Variants in CALN1 observed in about 807,000 individuals in gnomAD.
CALN1 encodes the protein calcium-binding protein 8.
A neutral mutation model predicts 30.6 loss-of-function variants in CALN1; 17 were observed. The ratio of observed to expected loss-of-function variants is 0.56; its 90% CI spans 0.38 to 0.83. The LOEUF (loss-of-function observed/expected upper bound fraction) is 0.83. Ranked by LOEUF, CALN1 falls within the 40% of genes least tolerant of loss-of-function variation. CALN1 has a pLI of 0.00. For missense variants in CALN1, 291 were observed against 354.9 expected, an observed-to-expected ratio of 0.82 and a Z score of 1.45; for synonymous variants, 156 against 131.4, an observed-to-expected ratio of 1.19 and a Z score of -1.28.
At chr7:72,069,514 T>C (rs1804246611) in intron 4 of CALN1, among the ~76,000 whole-genome samples, 1 of 152,130 alleles carries the variant, frequency 6.6e-6, no homozygotes, top group Non-Finnish European at 1.5e-5. Context: ...GTGTCTCCAG[T>C]ATCCTTTGGT....
intron 3 of CALN1, among the ~76,000 whole-genome samples, chr7:72,133,450 C>CA (rs1360204209): frequency 6.6e-6 from 1 of 151,988 alleles, no homozygotes; most frequent in Non-Finnish European, 1.5e-5. Context: ...AGAATAATGC[C>CA]AAAAAATGTT....
At chr7:72,224,818 G>C (rs1463423246) in intron 3 of CALN1, among the ~76,000 whole-genome samples, 1 of 152,046 alleles carries the variant, frequency 6.6e-6, no homozygotes, top group Non-Finnish European at 1.5e-5. Flanking sequence ...GCCGGGCACG[G>C]TGGCTCACGC....
At chr7:71,972,920 A>G (rs1039731283) in intron 5 of CALN1, among the ~76,000 whole-genome samples, 2 of 152,076 alleles carry the variant, frequency 1.3e-5, no homozygotes, top group Non-Finnish European at 2.9e-5. Context: ...CAGTCACCTG[A>G]TGTTCACTCA....
chr7:71,842,150 C>A (rs143008654), intron 5 of CALN1, among the ~76,000 whole-genome samples: 301 of 152,296 alleles, frequency 2.0e-3, no homozygotes, highest in African/African-American at 7.0e-3. Context: ...CAGCAACTCA[C>A]GTGTCTGCCT....
chr7:72,029,520 T>G (rs1438447666), intron 4 of CALN1, among the ~76,000 whole-genome samples: 2 of 152,156 alleles, frequency 1.3e-5, no homozygotes, highest in Non-Finnish European at 2.9e-5. Context: ...CTTGGTGGGC[T>G]TCCAGTGGGA....
chr7:72,332,722 C>G (rs917775948), intron 2 of CALN1, among the ~76,000 whole-genome samples: 4 of 152,060 alleles, frequency 2.6e-5, no homozygotes, highest in Admixed American at 2.0e-4. Flanking sequence ...TTAATGCGAT[C>G]TTTATTGACG....
At chr7:72,498,329 G>C in the CALN1 span, among the ~76,000 whole-genome samples, 2 of 151,660 alleles carry the variant, frequency 1.3e-5, no homozygotes, top group Non-Finnish European at 2.9e-5. Flanking sequence ...ATTTATAAGA[G>C]GCTTAACAGG....
the CALN1 span, among the ~76,000 whole-genome samples, chr7:72,464,102 G>A: frequency 4.1e-4 from 62 of 151,082 alleles, no homozygotes; most frequent in Non-Finnish European, 6.2e-4. Flanking sequence ...GAAAGAAAGA[G>A]AGAGAAGAAA....
intron 1 of CALN1, among the ~76,000 whole-genome samples, chr7:72,408,548 A>G (rs541784802): frequency 1.0e-3 from 159 of 152,288 alleles, no homozygotes; most frequent in Non-Finnish European, 2.1e-3. Context: ...CAAAACCAAC[A>G]AGGCCCTGGT....
At chr7:72,181,049 G>C (rs1387807754) in intron 3 of CALN1, among the ~76,000 whole-genome samples, 1 of 141,054 alleles carries the variant, frequency 7.1e-6, no homozygotes, top group Non-Finnish European at 1.5e-5. Flanking sequence ...AGTGAGCCAC[G>C]ATCACGCCAC....
intron 3 of CALN1, among the ~76,000 whole-genome samples, chr7:72,211,326 TC>T (rs1234709428): frequency 1.3e-5 from 2 of 152,126 alleles, no homozygotes; most frequent in African/African-American, 4.8e-5. Context: ...CTGTAACTCT[TC>T]CTTCTGCCTA....
At chr7:72,385,542 G>A (rs1585630155) in intron 2 of CALN1, among the ~76,000 whole-genome samples, 1 of 151,762 alleles carries the variant, frequency 6.6e-6, no homozygotes, top group Non-Finnish European at 1.5e-5. Context: ...TCATCCCCAG[G>A]TACCACAGGA....
chr7:72,161,411 T>A (rs1405401547), intron 3 of CALN1, among the ~76,000 whole-genome samples: 1 of 152,202 alleles, frequency 6.6e-6, no homozygotes, highest in African/African-American at 2.4e-5. Flanking sequence ...GAAAGAGGCC[T>A]AAATAATGTC....
intron 4 of CALN1, among the ~76,000 whole-genome samples, chr7:72,082,290 C>G (rs899875405): frequency 6.6e-6 from 1 of 152,122 alleles, no homozygotes; most frequent in Non-Finnish European, 1.5e-5. Flanking sequence ...TCCGCCGGAA[C>G]AAACTTTTAA....
At chr7:72,496,113 G>C in the CALN1 span, among the ~76,000 whole-genome samples, 1 of 152,228 alleles carries the variant, frequency 6.6e-6, no homozygotes, top group East Asian at 1.9e-4. Flanking sequence ...TTAGAAACGG[G>C]TTTTTGCCAT....
chr7:72,204,838 T>A (rs1443448468), intron 3 of CALN1, among the ~76,000 whole-genome samples: 2 of 152,216 alleles, frequency 1.3e-5, no homozygotes, highest in African/African-American at 4.8e-5. Context: ...CTAATACAGT[T>A]ATTTTAAATA....
upstream of CALN1, among the ~76,000 whole-genome samples, chr7:72,417,124 C>G (rs1008622407): frequency 6.6e-6 from 1 of 152,192 alleles, no homozygotes. Context: ...CGGTCCCAGC[C>G]GTGATCTGGA....
chr7:71,961,499 C>T (rs1013640151), intron 5 of CALN1, among the ~76,000 whole-genome samples: 8 of 152,142 alleles, frequency 5.3e-5, no homozygotes, highest in Non-Finnish European at 1.2e-4. Context: ...CCATAAAACC[C>T]GTAATAGATT....
intron 2 of CALN1, among the ~76,000 whole-genome samples, chr7:72,285,267 T>TG (rs1798009925): frequency 6.6e-6 from 1 of 152,174 alleles, no homozygotes; most frequent in Non-Finnish European, 1.5e-5. Context: ...GTTTTTGAGA[T>TG]GGAGTCTTGC....
Sources: allele counts gnomAD v4.1 joint callset (sites outside exome capture counted in the v4.1 genomes callset), GRCh38; gene constraint gnomAD v4.1.1; transcripts MANE v1.5; gene names NCBI Gene and HGNC (gene_info 2026-07-23, HGNC 2026-07-21).